Variants in IGBP1C observed in about 807,000 individuals in gnomAD.
IGBP1C encodes IGBP1 family member C, also known as immunoglobulin-binding protein 1 family member C.
the IGBP1C span, chr17:58,666,753 G>A: frequency 1.3e-5 from 2 of 152,136 alleles, no homozygotes; most frequent in Non-Finnish European, 1.5e-5. Context: ...TTGCAAGTGC[G>A]GGTAACTCCT....
the IGBP1C span, among the ~76,000 whole-genome samples, chr17:58,685,011 A>G: frequency 6.6e-6 from 1 of 152,348 alleles, no homozygotes; most frequent in East Asian, 1.9e-4. Context: ...ATGGTTAGAA[A>G]ATAAAATTAA....
At chr17:58,690,483 T>C in the IGBP1C span, among the ~76,000 whole-genome samples, 2 of 152,196 alleles carry the variant, frequency 1.3e-5, no homozygotes, top group Non-Finnish European at 2.9e-5. Context: ...TTTTGAACTT[T>C]CCACTGTCAA....
the IGBP1C span, among the ~76,000 whole-genome samples, chr17:58,666,939 G>A: frequency 6.6e-6 from 1 of 152,128 alleles, no homozygotes; most frequent in Non-Finnish European, 1.5e-5. Flanking sequence ...CATAGGCCTG[G>A]CTGGTCAGAG....
chr17:58,661,793 G>A, the IGBP1C span: 5 of 500,168 alleles, frequency 1.0e-5, no homozygotes, highest in Non-Finnish European at 1.7e-5. Context: ...GCTCCACTCC[G>A]GGTCTTCGTC....
At chr17:58,668,536 C>T in the IGBP1C span, among the ~76,000 whole-genome samples, 1 of 152,218 alleles carries the variant, frequency 6.6e-6, no homozygotes, top group East Asian at 1.9e-4. Context: ...AAGAACTTCA[C>T]ACACCTTAAC....
At chr17:58,682,857 T>C in the IGBP1C span, among the ~76,000 whole-genome samples, 87 of 152,236 alleles carry the variant, frequency 5.7e-4, no homozygotes, top group Admixed American at 3.3e-3. Context: ...AAAATGTTAC[T>C]GTTATAATCC....
At chr17:58,676,301 T>C in the IGBP1C span, among the ~76,000 whole-genome samples, 1 of 150,736 alleles carries the variant, frequency 6.6e-6, no homozygotes, top group Non-Finnish European at 1.5e-5. Flanking sequence ...ACTTGAACCC[T>C]GGGGGCAGAG....
chr17:58,686,672 A>C, the IGBP1C span, among the ~76,000 whole-genome samples: 1 of 152,064 alleles, frequency 6.6e-6, no homozygotes, highest in African/African-American at 2.4e-5. Context: ...CAACAAATAC[A>C]TATTGGGCTT....
the IGBP1C span, chr17:58,666,427 A>AGAT: frequency 7.4e-6 from 1 of 134,382 alleles, no homozygotes; most frequent in Non-Finnish European, 1.6e-5. Context: ...ACTCCAGCCT[A>AGAT]GATAAACAAA....
At chr17:58,676,369 T>A in the IGBP1C span, among the ~76,000 whole-genome samples, 1 of 145,360 alleles carries the variant, frequency 6.9e-6, no homozygotes, top group African/African-American at 2.6e-5. Flanking sequence ...AGAGAGAAAA[T>A]CCATCTCAAA....
chr17:58,680,588 A>G, the IGBP1C span, among the ~76,000 whole-genome samples: 1 of 151,932 alleles, frequency 6.6e-6, no homozygotes, highest in Non-Finnish European at 1.5e-5. Flanking sequence ...ATAAAAATAC[A>G]AAAATCAGCT....
the IGBP1C span, chr17:58,660,482 A>C: frequency 1.6e-6 from 1 of 636,176 alleles, no homozygotes; most frequent in Non-Finnish European, 2.9e-6. Flanking sequence ...CCTTCGTTTT[A>C]CACAGCTGTA....
At chr17:58,687,916 AG>A in the IGBP1C span, among the ~76,000 whole-genome samples, 1 of 152,146 alleles carries the variant, frequency 6.6e-6, no homozygotes, top group East Asian at 1.9e-4. Context: ...AAGCTCCATG[AG>A]GGCAGAGAAT....
At chr17:58,681,272 A>T in the IGBP1C span, among the ~76,000 whole-genome samples, 2 of 152,120 alleles carry the variant, frequency 1.3e-5, no homozygotes, top group African/African-American at 2.4e-5. Flanking sequence ...ATGATAAATA[A>T]ATAAAAATGA....
chr17:58,684,579 G>GC, the IGBP1C span, among the ~76,000 whole-genome samples: 1 of 151,902 alleles, frequency 6.6e-6, no homozygotes, highest in Non-Finnish European at 1.5e-5. Flanking sequence ...TGGTGGCAGT[G>GC]AGAAGATCGT....
the IGBP1C span, among the ~76,000 whole-genome samples, chr17:58,676,589 C>CCAA: frequency 6.6e-6 from 1 of 151,952 alleles, no homozygotes; most frequent in Non-Finnish European, 1.5e-5. Context: ...CAAAACAAAA[C>CCAA]CAACAAACTA....
the IGBP1C span, among the ~76,000 whole-genome samples, chr17:58,678,489 G>C: frequency 6.6e-6 from 1 of 152,088 alleles, no homozygotes. Context: ...GGAACACTAT[G>C]CAGCCATAAA....
At chr17:58,679,381 T>C in the IGBP1C span, 1 of 151,964 alleles carries the variant, frequency 6.6e-6, no homozygotes, top group African/African-American at 2.4e-5. Flanking sequence ...CCACGAGGGG[T>C]GTGAGACCAA....
chr17:58,663,868 G>T, the IGBP1C span, among the ~76,000 whole-genome samples: 2 of 152,160 alleles, frequency 1.3e-5, no homozygotes, highest in African/African-American at 4.8e-5. Flanking sequence ...ACAAAGCTCT[G>T]CAATAAAAAC....
Sources: allele counts gnomAD v4.1 joint callset (sites outside exome capture counted in the v4.1 genomes callset), GRCh38; gene constraint gnomAD v4.1.1; transcripts MANE v1.5; gene names NCBI Gene and HGNC (gene_info 2026-07-23, HGNC 2026-07-21).